Variants in DLG5 observed in about 807,000 individuals in gnomAD.
DLG5 encodes disks large homolog 5.
A neutral mutation model predicts 189.8 loss-of-function variants in DLG5; 48 were observed. The ratio of observed to expected loss-of-function variants is 0.25; its 90% confidence interval spans 0.20 to 0.32. The LOEUF (loss-of-function observed/expected upper bound fraction) is 0.32. Among genes scored for constraint, DLG5 ranks in the 10% least tolerant of loss-of-function variants. DLG5 has a pLI of 1.00. For missense variants in DLG5, 2,160 were observed against 2,544.7 expected (o/e 0.85, Z 3.25); for synonymous variants, 1,016 against 1,054.1 (o/e 0.96, Z 0.70).
intron 1 of DLG5, among the ~76,000 whole-genome samples, chr10:77,920,764 A>C (rs1846510310): frequency 6.6e-6 from 1 of 152,204 alleles, no homozygotes. Context: ...ACCTGAACAG[A>C]GGGGCCTGAG....
rs897153875 is a variant in DLG5 at position 77,841,758 on chromosome 10, C to T, written c.1437+123G>A. On this transcript the variant is annotated intron_variant, in intron 7 of 31. Coordinates refer to ENST00000372391, the MANE Select transcript of DLG5 (RefSeq NM_004747.4). ...GATAACCCAGCTTGCACTTAGGCCT[C>T]CAGTGAGAAGCCATTTACTCCAACT... 5 of 1,139,998 alleles carry T rather than the reference C, an allele frequency of 4.4e-6. No individual in the cohort carries two copies. The Admixed American group carries it at 1.2e-4, about 27-fold the overall frequency. The allele number at this position is 1,139,998 out of a possible 1,614,324, so 70.6% of individuals were successfully genotyped here. A position where few individuals can be genotyped will look rare whatever the true frequency, so the allele number is the denominator to read the frequency against.
intron 7 of DLG5, among the ~76,000 whole-genome samples, chr10:77,841,200 G>C (rs1245150170): frequency 6.6e-6 from 1 of 152,188 alleles, no homozygotes; most frequent in Non-Finnish European, 1.5e-5. Flanking sequence ...CTAGACCTAG[G>C]GCAAGGAGCT....
Position 77,853,446 on chromosome 10 carries a change from G to A in DLG5, c.772C>T (p.Arg258Ter), listed in dbSNP as rs1175479059. 1 of 1,610,528 alleles carries A rather than the reference G, an allele frequency of 6.2e-7. No individual in the cohort carries two copies. The highest frequency in any genetic ancestry group is 8.5e-7 in the Non-Finnish European group (1 of 1,178,512). ...RRENGQLLRE[R>*]NLLQQSWEDM... is the part of the protein sequence containing the mutation. ...TCCCATGACTGCTGCAGCAGGTTTC[G>A]CTCCCGCAGCAGCTGCCCATTCTCC... The change falls in exon 5 of 32, where the codon CGA becomes TGA. Residue 258 changes from arginine to a stop codon, truncating the protein, a stop_gained. Coordinates refer to ENST00000372391, the MANE Select transcript of DLG5 (RefSeq NM_004747.4). LOFTEE classifies it high-confidence loss of function.
chr10:77,828,828 A>C (rs1383115997), intron 13 of DLG5, 54 bp downstream of exon 13: 23 of 1,587,592 alleles, frequency 1.4e-5, no homozygotes, highest in African/African-American at 2.7e-5. Flanking sequence ...AAACCTCCCA[A>C]ATGTAATCTG....
At chr10:77,872,134 ATC>A (rs1397098278) in intron 1 of DLG5, among the ~76,000 whole-genome samples, 1 of 152,042 alleles carries the variant, frequency 6.6e-6, no homozygotes, top group African/African-American at 2.4e-5. Flanking sequence ...ACCTCCAGAA[ATC>A]TCTATGCTCA....
At chr10:77,897,081 C>A (rs956260108) in intron 1 of DLG5, among the ~76,000 whole-genome samples, 1 of 152,054 alleles carries the variant, frequency 6.6e-6, no homozygotes, top group African/African-American at 2.4e-5. Context: ...AAAAGCCAGG[C>A]ATGGTGGCTC....
At chr10:77,860,029 C>T (rs551998844) in intron 2 of DLG5, among the ~76,000 whole-genome samples, 1 of 152,338 alleles carries the variant, frequency 6.6e-6, no homozygotes, top group African/African-American at 2.4e-5. Flanking sequence ...TTTGAACGTG[C>T]CTGCTACTCA....
At chr10:77,838,137 A>G (rs1430821000) in intron 7 of DLG5, among the ~76,000 whole-genome samples, 1 of 152,120 alleles carries the variant, frequency 6.6e-6, no homozygotes, top group African/African-American at 2.4e-5. Flanking sequence ...TCTATCCACC[A>G]CAGCTGAGCT....
chr10:77,799,758 G>A (rs1170447239), intron 27 of DLG5, among the ~76,000 whole-genome samples: 2 of 152,076 alleles, frequency 1.3e-5, no homozygotes, highest in Admixed American at 1.3e-4. Context: ...ACAGGCACAC[G>A]CCACCACACT....
intron 1 of DLG5, among the ~76,000 whole-genome samples, chr10:77,921,836 G>A (rs1379483762): frequency 6.6e-6 from 1 of 152,184 alleles, no homozygotes. Flanking sequence ...AGGAGGTGTG[G>A]GGAGTGGGAA....
At chr10:77,822,989 T>C (rs539700991) in intron 14 of DLG5, among the ~76,000 whole-genome samples, 57 of 152,308 alleles carry the variant, frequency 3.7e-4, no homozygotes, top group African/African-American at 1.3e-3. Flanking sequence ...ACAATGGTAG[T>C]ACATGTCATC....
chr10:77,821,259 G>A lies in DLG5; in HGVS notation c.3225C>T (p.Ser1075=). 1.2e-6 allele frequency: 2 copies of A among 1,613,938 alleles called. No homozygotes were observed. Among genetic ancestry groups the A allele is most frequent in the South Asian group, 1.1e-5 (1 of 91,084 alleles). ...CCCCATCTCCTTCAGGGTAGTAGCT[G>A]GAAGCAATGCGGACCCTGGCCTTGC... ...PPRKARVRIA[S]SYYPEGDGDS... The change falls in exon 15 of 32, where the codon TCC becomes TCT. Residue 1075 remains serine, a synonymous_variant. Coordinates refer to ENST00000372391, the MANE Select transcript of DLG5 (RefSeq NM_004747.4).
At chr10:77,806,011 G>GC in intron 26 of DLG5, 150 bp from the exon 27 acceptor site, 1 of 722,188 alleles carries the variant, frequency 1.4e-6, no homozygotes. Flanking sequence ...CTCCTCCCAC[G>GC]CCCCTGGGAA....
intron 13 of DLG5, among the ~76,000 whole-genome samples, chr10:77,825,413 C>CACACACACACACACACAT (rs1842582582): frequency 6.7e-6 from 1 of 149,772 alleles, no homozygotes; most frequent in Non-Finnish European, 1.5e-5. Context: ...CACACACACA[C>CACACACACACACACACAT]ACAGTACCAA....
rs190583667 is a variant in DLG5, at chr10:77,918,311, G to A, written c.304+7906C>T. Among the ~76,000 whole-genome samples the A allele has an allele frequency of 3.8e-3, 574 of 152,072 alleles. 3 individuals are homozygous for A. The highest frequency in any genetic ancestry group is 6.5e-3 in the Non-Finnish European group (441 of 67,994). ...GCCTGTAGTCCCAGCTACTTGGGAG[G>A]CTGAAGGAGGAGAATTGCTGCAACT... On this transcript the variant is annotated intron_variant, in intron 1 of 31. Transcript: ENST00000372391.
intron 1 of DLG5, among the ~76,000 whole-genome samples, chr10:77,901,809 A>C (rs1274708821): frequency 1.3e-5 from 2 of 152,300 alleles, no homozygotes; most frequent in Non-Finnish European, 2.9e-5. Flanking sequence ...CCCCTGGGGA[A>C]GGGCTGGAAA....
rs1220987638 is a variant in DLG5 at position 77,810,977 on chromosome 10, G to A, written c.4463+117C>T. 24 of 1,299,670 alleles carry A rather than the reference G, an allele frequency of 1.8e-5. No homozygotes were observed. The East Asian group carries it at 5.7e-4, about 31-fold the overall frequency. 80.5% of individuals were successfully genotyped at this position (1,299,670 alleles called of 1,614,324 possible). The stretch of plus-strand genomic sequence containing the variant: ...TCCCGGCCCAACTCCTGAAGACCTG[G>A]TGTGCGGCCTGCAGCACATGAGGCC... On this transcript the variant is annotated intron_variant, in intron 23 of 31. Coordinates refer to ENST00000372391, the MANE Select transcript of DLG5 (RefSeq NM_004747.4).
chr10:77,902,433 T>C (rs1243993977), intron 1 of DLG5, among the ~76,000 whole-genome samples: 4 of 152,114 alleles, frequency 2.6e-5, no homozygotes, highest in Non-Finnish European at 5.9e-5. Context: ...TAAAGAAGCA[T>C]ACAAAGATCT....
intron 22 of DLG5, among the ~76,000 whole-genome samples, 166 bp from the exon 23 acceptor site, chr10:77,811,400 C>G (rs1841765606): frequency 6.6e-6 from 1 of 151,856 alleles, no homozygotes; most frequent in Admixed American, 6.6e-5. Context: ...CCCATGACAT[C>G]CACCTGTCCT....
Sources: gnomAD v4.1 joint callset for allele counts (sites outside exome capture counted in the v4.1 genomes callset) on GRCh38, gnomAD v4.1.1 for gene constraint, MANE v1.5 for transcripts, NCBI Gene and HGNC (gene_info 2026-07-23, HGNC 2026-07-21) for gene names.